LRRC1: variants seen among roughly 807,000 people sequenced by gnomAD.
LRRC1 encodes the protein leucine rich repeat containing 1.
In LRRC1, 28 loss-of-function variants were observed where a neutral mutation model predicts 69.9. That is an observed-to-expected ratio of 0.40 (90% CI 0.30 to 0.55). The LOEUF is 0.55. Ranked by LOEUF, LRRC1 falls within the 20% of genes least tolerant of loss-of-function variation. LRRC1 has a pLI of 0.47. For missense variants in LRRC1, 498 were observed against 609.0 expected (o/e 0.82, Z 1.92); for synonymous variants, 236 against 240.2 (o/e 0.98, Z 0.16).
At chr6:53,914,014 A>C in intron 11 of LRRC1, 45 bp downstream of exon 11, 1 of 1,312,164 alleles carries the variant, frequency 7.6e-7, no homozygotes, top group Non-Finnish European at 1.1e-6. Context: ...ACAAATATAC[A>C]TACATCCCAA....
At position 53,922,820 on chromosome 6, in the gene LRRC1, G is replaced by GC; in HGVS notation, c.*27_*28insC. On this transcript the variant is annotated 3_prime_UTR_variant, in exon 14 of 14. Transcript: ENST00000370888. The stretch of plus-strand genomic sequence containing the variant: ...GTTTCACCTCCAAGTTTTACCTCCT[G>GC]TGTCTTCCTCTGCTGTCGAGACGTT... 1.2e-6 allele frequency: 2 copies of GC among 1,605,688 alleles called. No individual in the cohort carries two copies. Among genetic ancestry groups the GC allele is most frequent in the Non-Finnish European group, 1.7e-6 (2 of 1,174,948 alleles).
chr6:53,883,839 A>C lies in LRRC1; in HGVS notation c.446+863A>C, dbSNP rs1280047636. ...AACAGAAACTTGCTCTTTGAGAACC[A>C]CAGTAAGCAGTTGAGCACAGTCTGA... On this transcript the variant is annotated intron_variant, in intron 4 of 13. Transcript: ENST00000370888. 4.3e-6 allele frequency: 3 copies of C among 698,678 alleles called. No individual in the cohort carries two copies. In the Admixed American group the frequency reaches 6.4e-5, roughly 15 times the overall value. The allele number at this position is 698,678 out of a possible 1,614,324, so 43.3% of individuals were successfully genotyped here.
chr6:53,886,946 G>A (rs1250050963), intron 4 of LRRC1, among the ~76,000 whole-genome samples: 2 of 152,184 alleles, frequency 1.3e-5, no homozygotes, highest in African/African-American at 2.4e-5. Context: ...TGGTTGTCCA[G>A]TTCTCTTTGT....
chr6:53,808,230 A>G (rs1449782348), intron 1 of LRRC1, among the ~76,000 whole-genome samples: 1 of 152,194 alleles, frequency 6.6e-6, no homozygotes, highest in Non-Finnish European at 1.5e-5. Context: ...CTGTGGTGGT[A>G]GCAGTAAATG....
At chr6:53,895,657 A>G (rs1562064162) in intron 4 of LRRC1, among the ~76,000 whole-genome samples, 1 of 152,224 alleles carries the variant, frequency 6.6e-6, no homozygotes, top group Non-Finnish European at 1.5e-5. Context: ...TTCTGAATCA[A>G]TATGTTTTGC....
At chr6:53,888,496 T>C (rs1399426819) in intron 4 of LRRC1, among the ~76,000 whole-genome samples, 1 of 152,192 alleles carries the variant, frequency 6.6e-6, no homozygotes, top group Non-Finnish European at 1.5e-5. Context: ...GGGTTGATAC[T>C]TAATATTGTT....
chr6:53,916,511 G>T (rs532903007), intron 11 of LRRC1, among the ~76,000 whole-genome samples: 1 of 151,784 alleles, frequency 6.6e-6, no homozygotes, highest in African/African-American at 2.4e-5. Flanking sequence ...TTTTGGTGGG[G>T]TTTTTTTCCT....
chr6:53,812,689 CAAAAAAAAAAA>C (rs10580267), intron 1 of LRRC1, among the ~76,000 whole-genome samples: 3 of 79,114 alleles, frequency 3.8e-5, no homozygotes, highest in African/African-American at 1.6e-4. Flanking sequence ...GACTCCGTCT[CAAAAAAAAAAA>C]AAAAAAAAAA....
intron 1 of LRRC1, among the ~76,000 whole-genome samples, chr6:53,808,616 C>T (rs1042844859): frequency 2.0e-5 from 3 of 152,028 alleles, no homozygotes; most frequent in Admixed American, 6.5e-5. Flanking sequence ...AATAACTTGC[C>T]AAGCAGCTAC....
Position 53,809,000 on chromosome 6 carries a change from T to C in LRRC1, c.159+13585T>C, listed in dbSNP as rs141798171. Among the ~76,000 whole-genome samples, 300 of 152,354 alleles carry C rather than the reference T, an allele frequency of 2.0e-3. 4 individuals carry two copies. In the East Asian group the frequency reaches 0.041, roughly 21 times the overall value. On this transcript the variant is annotated intron_variant, in intron 1 of 13. Transcript: ENST00000370888. The stretch of plus-strand genomic sequence containing the variant: ...GGTGCTGGATTTCCTACTTTCAGGA[T>C]GTAACTTAACAGCTGAATCCTTATA...
In LRRC1 at chr6:53,919,661, A is replaced by G; in HGVS notation, c.1270A>G (p.Thr424Ala). The G allele has an allele frequency of 1.2e-6, 2 of 1,611,788 alleles. No homozygotes were observed. The highest frequency in any genetic ancestry group is 1.1e-5 in the South Asian group (1 of 90,514). The change falls in exon 12 of 14, where the codon ACT becomes GCT. Residue 424 changes from threonine (T) to alanine (A), a missense_variant. Physicochemically the swap from Thr to Ala is moderately conservative, Grantham distance 58. Coordinates refer to ENST00000370888, the MANE Select transcript of LRRC1 (RefSeq NM_018214.5). ...VLLPQLPSEP[T>A]CQENLPRCGA... ...ACTTCCTCAGCTGCCTTCTGAACCT[A>G]CTTGTCAAGGTGAATTTAATTTAAG... is the stretch of plus-strand genomic sequence containing the variant.
Position 53,852,800 on chromosome 6 carries a change from A to G in LRRC1, c.277+10573A>G, listed in dbSNP as rs552296403. Among the ~76,000 whole-genome samples the G allele has an allele frequency of 1.9e-4, 29 of 152,346 alleles. No homozygotes were observed. In the South Asian group the frequency reaches 6.0e-3, roughly 32 times the overall value. On this transcript the variant is annotated intron_variant, in intron 2 of 13. Coordinates refer to ENST00000370888, the MANE Select transcript of LRRC1 (RefSeq NM_018214.5). ...GACATTTAAACTTGCAAAAAAACCCATAAAACTACTAGTGAATAAGTTCAA... is the reference window on the plus strand; with the variant it reads ...GACATTTAAACTTGCAAAAAAACCCGTAAAACTACTAGTGAATAAGTTCAA...
chr6:53,887,462 A>G (rs1767524922), intron 4 of LRRC1, among the ~76,000 whole-genome samples: 1 of 151,860 alleles, frequency 6.6e-6, no homozygotes, highest in African/African-American at 2.4e-5. Flanking sequence ...GGGAGAGATG[A>G]TGCTGACAGT....
At chr6:53,800,508 T>A (rs547976223) in intron 1 of LRRC1, among the ~76,000 whole-genome samples, 2 of 151,952 alleles carry the variant, frequency 1.3e-5, no homozygotes, top group South Asian at 4.2e-4. Flanking sequence ...TGCCTCCGTC[T>A]CCTAAAGTTC....
chr6:53,914,120 T>C (rs1768496247), intron 11 of LRRC1, 151 bp downstream of exon 11: 1 of 567,078 alleles, frequency 1.8e-6, no homozygotes, highest in South Asian at 2.4e-5. Context: ...AGTTCCTTCA[T>C]AGGGGGGCTA....
chr6:53,891,664 T>C (rs932420491), intron 4 of LRRC1, among the ~76,000 whole-genome samples: 2 of 152,060 alleles, frequency 1.3e-5, no homozygotes, highest in Non-Finnish European at 2.9e-5. Context: ...AAGAAGAAAC[T>C]CTTTACTGAA....
intron 4 of LRRC1, among the ~76,000 whole-genome samples, chr6:53,890,624 A>C (rs1028222100): frequency 1.3e-5 from 2 of 152,202 alleles, no homozygotes; most frequent in African/African-American, 4.8e-5. Context: ...CCTGGGAATT[A>C]CTATAAAATA....
At chr6:53,807,602 A>G (rs1345429954) in intron 1 of LRRC1, among the ~76,000 whole-genome samples, 1 of 152,156 alleles carries the variant, frequency 6.6e-6, no homozygotes, top group African/African-American at 2.4e-5. Flanking sequence ...AAAATTAGCC[A>G]GGTGTGGTGG....
intron 2 of LRRC1, among the ~76,000 whole-genome samples, chr6:53,855,777 G>A (rs1403656136): frequency 1.3e-5 from 2 of 152,084 alleles, no homozygotes; most frequent in Non-Finnish European, 2.9e-5. Flanking sequence ...CCCCACCCCA[G>A]CCCCCTTTTA....
Sources: gnomAD v4.1 joint callset for allele counts (sites outside exome capture counted in the v4.1 genomes callset) on GRCh38, gnomAD v4.1.1 for gene constraint, MANE v1.5 for transcripts, NCBI Gene and HGNC (gene_info 2026-07-23, HGNC 2026-07-21) for gene names.